Variants in SMYD4 observed in about 807,000 individuals in gnomAD.
SMYD4 encodes SET and MYND domain containing 4, also known as protein-lysine N-methyltransferase SMYD4.
In SMYD4, 68 loss-of-function variants were observed where a neutral mutation model predicts 72.8. The observed-to-expected ratio is 0.93, with a 90% CI of 0.77 to 1.14. The LOEUF (loss-of-function observed/expected upper bound fraction) is 1.14. Among genes scored for constraint, SMYD4 ranks in the 50% most tolerant of loss-of-function variants. The probability of loss-of-function intolerance (pLI) is 0.00; values close to 1 mark genes in which losing one functional copy is unlikely to be tolerated. For synonymous variants in SMYD4, 407 were observed against 388.6 expected (o/e 1.05, Z -0.56); for missense variants, 984 against 1,003.7 (o/e 0.98, Z 0.27).
At chr17:1,825,303 A>T (rs973978329) in intron 2 of SMYD4, among the ~76,000 whole-genome samples, 2 of 152,214 alleles carry the variant, frequency 1.3e-5, no homozygotes, top group Non-Finnish European at 2.9e-5. Context: ...ACATCATAAC[A>T]TAATGTTGTA....
intron 5 of SMYD4, among the ~76,000 whole-genome samples, chr17:1,793,194 G>C (rs1236376604): frequency 6.6e-6 from 1 of 152,092 alleles, no homozygotes; most frequent in African/African-American, 2.4e-5. Flanking sequence ...TGGGATTATA[G>C]GTGTGAGCCA....
intron 2 of SMYD4, among the ~76,000 whole-genome samples, chr17:1,817,914 G>A (rs1340629116): frequency 6.6e-6 from 1 of 151,920 alleles, no homozygotes; most frequent in Non-Finnish European, 1.5e-5. Context: ...AGGCGTGGTG[G>A]CGGGTGCCTG....
At chr17:1,803,711 C>T (rs917811130) in intron 4 of SMYD4, among the ~76,000 whole-genome samples, 1 of 151,926 alleles carries the variant, frequency 6.6e-6, no homozygotes, top group Non-Finnish European at 1.5e-5. Flanking sequence ...GTTGGCCAGG[C>T]TGGTTTCGAA....
chr17:1,800,274 T>A lies in SMYD4; in HGVS notation c.1120A>T (p.Ile374Phe), dbSNP rs1909647921. The change falls in exon 5 of 11, where the codon ATT becomes TTT. Residue 374 changes from isoleucine (I) to phenylalanine (F), a missense_variant. Coordinates refer to ENST00000305513, the MANE Select transcript of SMYD4 (RefSeq NM_052928.3). Reference sequence around the variant, plus strand: ...GGTAAACAGATGTCCTTGTTACTAATCTTATCACAAAGCTTCGTTATGATT... The same window carrying A: ...GGTAAACAGATGTCCTTGTTACTAAACTTATCACAAAGCTTCGTTATGATT... ...RKIITKLCDK[I>F]SNKDICLPES... 4 of 1,614,170 alleles carry A rather than the reference T, an allele frequency of 2.5e-6. No individual in the cohort carries two copies. Among genetic ancestry groups the A allele is most frequent in the Non-Finnish European group, 2.5e-6 (3 of 1,180,044 alleles).
intron 5 of SMYD4, among the ~76,000 whole-genome samples, chr17:1,789,764 C>CCAAAAAAAAAAAAAAAAAAAAAAAAA: frequency 1.1e-5 from 1 of 90,098 alleles, no homozygotes; most frequent in Non-Finnish European, 2.4e-5. Flanking sequence ...GACTCTGTCT[C>CCAAAAAAAAAAAAAAAAAAAAAAAAA]AAAAAAAAAA....
chr17:1,806,048 C>T (rs1021407164), intron 3 of SMYD4, among the ~76,000 whole-genome samples: 1 of 151,544 alleles, frequency 6.6e-6, no homozygotes. Context: ...CTCAGTGCCC[C>T]CGAGTAGCTG....
At chr17:1,811,017 C>T (rs1055363350) in intron 3 of SMYD4, among the ~76,000 whole-genome samples, 3 of 152,214 alleles carry the variant, frequency 2.0e-5, no homozygotes, top group African/African-American at 7.2e-5. Flanking sequence ...CACACCAAGG[C>T]AAGAACCCGG....
intron 5 of SMYD4, among the ~76,000 whole-genome samples, chr17:1,789,630 T>C (rs1414612482): frequency 2.0e-5 from 3 of 151,570 alleles, no homozygotes; most frequent in Non-Finnish European, 4.4e-5. Context: ...CTGAGCGTGG[T>C]GGCGTGCACC....
chr17:1,823,968 T>G (rs1911028512), intron 2 of SMYD4, among the ~76,000 whole-genome samples: 1 of 152,204 alleles, frequency 6.6e-6, no homozygotes, highest in Non-Finnish European at 1.5e-5. Flanking sequence ...TCCCTTCAGA[T>G]AGCCTAGTTT....
At chr17:1,791,027 T>A (rs547978057) in intron 5 of SMYD4, among the ~76,000 whole-genome samples, 1 of 141,770 alleles carries the variant, frequency 7.1e-6, no homozygotes, top group South Asian at 2.2e-4. Context: ...CTCGGGAGGC[T>A]GAGGCAGGAG....
rs920335161 is a variant in SMYD4, at chr17:1,779,754, A to G, written c.*1532T>C. On this transcript the variant is annotated 3_prime_UTR_variant, in exon 11 of 11. Transcript: ENST00000305513. The stretch of plus-strand genomic sequence containing the variant: ...CACGATTTTAACAAAGGAGTCGAGG[A>G]AGCTAGATACTGTAAGTGGAACGGT... The G allele has an allele frequency of 4.2e-4, 64 of 152,492 alleles. No individual in the cohort carries two copies. 9.4% of individuals were successfully genotyped at this position (152,492 alleles called of 1,614,324 possible).
At chr17:1,782,766 T>G (rs998656349) in intron 10 of SMYD4, 2 of 238,180 alleles carry the variant, frequency 8.4e-6, no homozygotes, top group Admixed American at 5.8e-5. Context: ...AGGAGGAAAT[T>G]CTTTTTTTTT....
intron 2 of SMYD4, among the ~76,000 whole-genome samples, 159 bp from the exon 3 acceptor site, chr17:1,812,274 A>T (rs116243245): frequency 1.3e-5 from 2 of 152,300 alleles, no homozygotes; most frequent in South Asian, 2.1e-4. Context: ...GAAATCTCAT[A>T]GTCTCAGAGA....
intron 5 of SMYD4, among the ~76,000 whole-genome samples, chr17:1,794,105 A>ATATATTTT (rs1291818005): frequency 2.3e-4 from 3 of 12,992 alleles, no homozygotes; most frequent in African/African-American, 3.6e-4. Context: ...ATATATATAT[A>ATATATTTT]TTTTTTTTTT....
chr17:1,811,982 G>C lies in SMYD4; in HGVS notation c.268C>G (p.Leu90Val). Residue 90 changes from leucine to valine, a missense_variant, in exon 3 of 11, where the codon CTG becomes GTG. Coordinates refer to ENST00000305513, the MANE Select transcript of SMYD4 (RefSeq NM_052928.3). The part of the protein sequence containing the change: ...QEKDYTGAAV[L>V]YSKGVSHSRP... ...TGGGAGTGTTTTACCTTAGAGTACA[G>C]CACTGCAGCTCCTGTGTAATCTTTC... 1.5e-5 allele frequency: 25 copies of C among 1,613,922 alleles called. No individual in the cohort carries two copies. Among genetic ancestry groups the C allele is most frequent in the Non-Finnish European group, 2.1e-5 (25 of 1,179,950 alleles).
intron 10 of SMYD4, 69 bp from the exon 11 acceptor site, chr17:1,781,508 C>A (rs1024344507): frequency 6.5e-7 from 1 of 1,529,576 alleles, no homozygotes; most frequent in South Asian, 1.2e-5. Flanking sequence ...AGGGCCTACT[C>A]ACACACCGTG....
intron 5 of SMYD4, among the ~76,000 whole-genome samples, chr17:1,794,105 ATTTTTTTTTT>A (rs59420310): frequency 6.9e-4 from 9 of 12,994 alleles, no homozygotes; most frequent in Admixed American, 3.8e-3. Flanking sequence ...ATATATATAT[ATTTTTTTTTT>A]TTTTTTTTTT....
chr17:1,798,274 G>A (rs2151231844), intron 5 of SMYD4, among the ~76,000 whole-genome samples: 1 of 151,966 alleles, frequency 6.6e-6, no homozygotes, highest in Admixed American at 6.6e-5. Context: ...GGGATTAGAG[G>A]CGTACCTGGC....
chr17:1,804,512 T>C (rs186779986), intron 4 of SMYD4, 114 bp downstream of exon 4: 17 of 926,838 alleles, frequency 1.8e-5, no homozygotes, highest in East Asian at 7.9e-5. Flanking sequence ...ATTCAACCAA[T>C]AGCAGCATGA....
Sources: allele counts gnomAD v4.1 joint callset (sites outside exome capture counted in the v4.1 genomes callset), GRCh38; gene constraint gnomAD v4.1.1; transcripts MANE v1.5; gene names NCBI Gene and HGNC (gene_info 2026-07-23, HGNC 2026-07-21).